Variants in MAD1L1 observed in about 807,000 individuals in gnomAD.
MAD1L1 encodes mitotic arrest deficient 1 like 1.
A neutral mutation model predicts 96.9 loss-of-function variants in MAD1L1; 95 were observed. That is an observed-to-expected ratio of 0.98 (90% CI 0.83 to 1.16). MAD1L1 has a LOEUF of 1.16. Among genes scored for constraint, MAD1L1 ranks in the 50% most tolerant of loss-of-function variants. The pLI is 0.00. For missense variants in MAD1L1, 1,007 were observed against 954.4 expected, an observed-to-expected ratio of 1.06 and a Z score of -0.73; for synonymous variants, 473 against 396.6, an observed-to-expected ratio of 1.19 and a Z score of -2.29.
At chr7:2,200,650 T>C (rs1792240655) in intron 10 of MAD1L1, 1 of 152,264 alleles carries the variant, frequency 6.6e-6, no homozygotes, top group African/African-American at 2.4e-5. Context: ...GCTGACTGGC[T>C]TGTGATGAAG....
intron 11 of MAD1L1, among the ~76,000 whole-genome samples, chr7:2,102,215 C>T (rs1012195782): frequency 1.3e-5 from 2 of 151,264 alleles, no homozygotes; most frequent in Non-Finnish European, 2.9e-5. Flanking sequence ...CCGTCACCAC[C>T]GCCACCGTCG....
At chr7:2,197,180 T>C (rs1432899222) in intron 10 of MAD1L1, among the ~76,000 whole-genome samples, 2 of 152,138 alleles carry the variant, frequency 1.3e-5, no homozygotes, top group Non-Finnish European at 2.9e-5. Context: ...CACACAACAC[T>C]GTCCGAACAC....
intron 11 of MAD1L1, among the ~76,000 whole-genome samples, chr7:2,129,541 C>T (rs1048010917): frequency 6.6e-6 from 1 of 152,140 alleles, no homozygotes; most frequent in African/African-American, 2.4e-5. Context: ...CAGTCACACA[C>T]GAGGCAGCAG....
chr7:2,001,926 C>T (rs969316506), intron 14 of MAD1L1, 139 bp downstream of exon 14: 21 of 857,222 alleles, frequency 2.4e-5, no homozygotes, highest in Middle Eastern at 2.2e-4. Context: ...CACCCTTCCC[C>T]GCTCAACGCA....
chr7:2,033,822 AATCAGACTGC>A, intron 12 of MAD1L1, among the ~76,000 whole-genome samples: 1 of 152,230 alleles, frequency 6.6e-6, no homozygotes, highest in Non-Finnish European at 1.5e-5. Flanking sequence ...CCTAAAAAGT[AATCAGACTGC>A]GGTGGCTCAC....
At chr7:1,879,304 A>T (rs866026418) in intron 18 of MAD1L1, among the ~76,000 whole-genome samples, 3 of 152,018 alleles carry the variant, frequency 2.0e-5, no homozygotes, top group East Asian at 3.9e-4. Flanking sequence ...AAAAATAAAA[A>T]CTTAGCCGGG....
intron 10 of MAD1L1, among the ~76,000 whole-genome samples, chr7:2,159,148 T>C (rs1009719895): frequency 6.6e-6 from 1 of 152,178 alleles, no homozygotes; most frequent in Non-Finnish European, 1.5e-5. Context: ...GCCCCATCCA[T>C]AAGCCCAAAG....
At chr7:1,855,054 G>A (rs922811533) in intron 18 of MAD1L1, among the ~76,000 whole-genome samples, 3 of 152,206 alleles carry the variant, frequency 2.0e-5, no homozygotes, top group Admixed American at 2.0e-4. Context: ...GAAGGCATCG[G>A]CGGCTGGGAG....
intron 11 of MAD1L1, among the ~76,000 whole-genome samples, chr7:2,127,861 G>A (rs574528678): frequency 6.5e-4 from 99 of 152,292 alleles, no homozygotes; most frequent in African/African-American, 2.0e-3. Flanking sequence ...CACTACCCAC[G>A]CAGGCACGCA....
At chr7:2,220,726 G>A (rs1793556908) in intron 5 of MAD1L1, among the ~76,000 whole-genome samples, 1 of 152,250 alleles carries the variant, frequency 6.6e-6, no homozygotes, top group Non-Finnish European at 1.5e-5. Context: ...AGGCCCGCAT[G>A]GGGGCTGCGT....
rs933698522 is a variant in MAD1L1 at position 2,095,819 on chromosome 7, G to A, written c.1074-26481C>T. Among the ~76,000 whole-genome samples, 9 of 152,224 alleles carry A rather than the reference G, an allele frequency of 5.9e-5. No individual in the cohort carries two copies. The East Asian group carries it at 1.5e-3, about 26-fold the overall frequency. On this transcript the variant is annotated intron_variant, in intron 11 of 18. Coordinates refer to ENST00000265854, the MANE Select transcript of MAD1L1 (RefSeq NM_001013836.2). The stretch of plus-strand genomic sequence containing the variant: ...TGGGTGCAGGCCGGACACCCCAGCC[G>A]TCTCTAAGGGGAAGGGCAGAGTGCA...
intron 14 of MAD1L1, among the ~76,000 whole-genome samples, chr7:1,995,806 C>G (rs1007438663): frequency 1.3e-5 from 2 of 152,196 alleles, no homozygotes; most frequent in Non-Finnish European, 2.9e-5. Flanking sequence ...ACCAGCCATA[C>G]AGAACCCCGG....
intron 12 of MAD1L1, among the ~76,000 whole-genome samples, chr7:2,049,147 C>T (rs777585995): frequency 3.9e-5 from 6 of 152,194 alleles, no homozygotes; most frequent in Admixed American, 6.5e-5. Flanking sequence ...TGGGGTGAGG[C>T]GTGCATGCTT....
In MAD1L1 at chr7:2,066,382, C is replaced by T. The variant is rs533937861; in HGVS notation, c.1218+2812G>A. Among the ~76,000 whole-genome samples, 54 of 152,352 alleles carry T rather than the reference C, an allele frequency of 3.5e-4. No individual in the cohort carries two copies. In the South Asian group the frequency reaches 7.5e-3, roughly 21 times the overall value. ...GATGGCTGAGTGAACAGCTTCATCA[C>T]GGCTGGCTGGACGGATCCTGCATCC... On this transcript the variant is annotated intron_variant, in intron 12 of 18. Transcript: ENST00000265854.
intron 15 of MAD1L1, among the ~76,000 whole-genome samples, chr7:1,975,060 TG>T (rs1049085108): frequency 1.3e-5 from 2 of 152,210 alleles, no homozygotes; most frequent in Non-Finnish European, 2.9e-5. Flanking sequence ...GGCAGTGGGC[TG>T]GGGACAGCTC....
intron 10 of MAD1L1, among the ~76,000 whole-genome samples, chr7:2,153,910 C>T (rs917411584): frequency 4.6e-5 from 7 of 152,234 alleles, no homozygotes; most frequent in East Asian, 1.9e-4. Context: ...GTAATCCCAC[C>T]GCTTTGGGAG....
intron 10 of MAD1L1, among the ~76,000 whole-genome samples, chr7:2,192,049 T>C (rs1791750765): frequency 6.6e-6 from 1 of 151,516 alleles, no homozygotes; most frequent in Admixed American, 6.6e-5. Context: ...AAAAAATACA[T>C]AAAATAAAAC....
chr7:2,050,742 C>T (rs1289572731), intron 12 of MAD1L1, among the ~76,000 whole-genome samples: 1 of 146,274 alleles, frequency 6.8e-6, no homozygotes, highest in Non-Finnish European at 1.5e-5. Flanking sequence ...CCCCCGAGGG[C>T]GGCTCAGTCC....
intron 18 of MAD1L1, chr7:1,874,404 CGGT>C (rs1302886298): frequency 9.8e-6 from 4 of 409,638 alleles, no homozygotes; most frequent in African/African-American, 8.4e-5. Context: ...GGGGGTAAGA[CGGT>C]GGCCAGGCCG....
Sources: allele counts gnomAD v4.1 joint callset (sites outside exome capture counted in the v4.1 genomes callset), GRCh38; gene constraint gnomAD v4.1.1; transcripts MANE v1.5; gene names NCBI Gene and HGNC (gene_info 2026-07-23, HGNC 2026-07-21).